CACNA1D: variants seen among roughly 807,000 people sequenced by gnomAD.
CACNA1D encodes the protein calcium voltage-gated channel subunit alpha1 D, also known as voltage-dependent L-type calcium channel subunit alpha-1D.
Under a neutral mutation model 257.1 loss-of-function variants are expected in CACNA1D, and 55 were observed. That is an observed-to-expected ratio of 0.21 (90% confidence interval 0.17 to 0.27). The LOEUF (loss-of-function observed/expected upper bound fraction) is 0.27, where lower values mean the gene tolerates loss of function less well. CACNA1D is among the 10% of genes least tolerant of loss of function. The pLI, the probability that CACNA1D is intolerant of heterozygous loss-of-function variation, is 1.00. For synonymous variants in CACNA1D, 980 were observed against 1,014.9 expected (o/e 0.97, Z 0.65); for missense variants, 1,876 against 2,784.0 (o/e 0.67, Z 7.34).
intron 40 of CACNA1D, chr3:53,797,871 A>G (rs1490603715): frequency 1.3e-5 from 2 of 152,238 alleles, no homozygotes; most frequent in African/African-American, 4.8e-5. Context: ...ACTGCCTTGT[A>G]ATATGGATTA....
chr3:53,753,578 G>A lies in CACNA1D; in HGVS notation c.3682G>A (p.Glu1228Lys), dbSNP rs777098313. 1.0e-5 allele frequency: 16 copies of A among 1,600,416 alleles called. No homozygotes were observed. The highest frequency in any genetic ancestry group is 2.7e-5 in the African/African-American group (2 of 74,644). The change falls in exon 29 of 48, where the codon GAG (glutamate) becomes AAG (lysine). Residue 1228 changes from glutamate (E) to lysine (K), a missense_variant. By Grantham distance (56) the Glu-to-Lys change is moderately conservative. Coordinates refer to ENST00000350061, the MANE Select transcript of CACNA1D (RefSeq NM_001128840.3). ...NTLCLAMQHY[E>K]QSKMFNDAMD... ...CCTCTGTCTTCATCCATAGCACTAC[G>A]AGCAGTCCAAGATGTTCAATGATGC... is the stretch of plus-strand genomic sequence containing the variant.
intron 3 of CACNA1D, among the ~76,000 whole-genome samples, chr3:53,528,503 A>G (rs1316010774): frequency 6.6e-6 from 1 of 152,168 alleles, no homozygotes; most frequent in Non-Finnish European, 1.5e-5. Context: ...ACAAGATTGT[A>G]TTGGCTATTC....
chr3:53,578,050 A>G (rs1204150033), intron 3 of CACNA1D, among the ~76,000 whole-genome samples: 1 of 152,196 alleles, frequency 6.6e-6, no homozygotes, highest in Non-Finnish European at 1.5e-5. Flanking sequence ...TGCTGCATAC[A>G]GAACACCCCA....
intron 4 of CACNA1D, among the ~76,000 whole-genome samples, chr3:53,657,283 G>A (rs190283408): frequency 1.9e-3 from 282 of 151,688 alleles, no homozygotes; most frequent in African/African-American, 6.2e-3. Flanking sequence ...GATGAGCCAG[G>A]AGAACATACT....
intron 3 of CACNA1D, among the ~76,000 whole-genome samples, chr3:53,555,456 G>GTTTTT (rs1334737354): frequency 8.5e-6 from 1 of 117,040 alleles, no homozygotes; most frequent in African/African-American, 3.5e-5. Flanking sequence ...GTGTGTGTGT[G>GTTTTT]TGTGTTTTTT....
intron 9 of CACNA1D, among the ~76,000 whole-genome samples, chr3:53,711,484 C>T (rs568326802): frequency 3.9e-4 from 59 of 152,288 alleles, no homozygotes; most frequent in Non-Finnish European, 6.3e-4. Flanking sequence ...GGCAGTGGTT[C>T]GACAGCAGCA....
chr3:53,536,721 T>G (rs2092124971), intron 3 of CACNA1D, among the ~76,000 whole-genome samples: 1 of 152,262 alleles, frequency 6.6e-6, no homozygotes, highest in Non-Finnish European at 1.5e-5. Flanking sequence ...AATTCACATT[T>G]CAGTTACCAT....
rs545983895 is a variant in CACNA1D, at chr3:53,514,246, C to T, written c.483+12526C>T. On this transcript the variant is annotated intron_variant, in intron 3 of 47. Transcript: ENST00000350061. Reference sequence around the variant, plus strand: ...CCCGGACTTCTGACTCAAGCGCCCACGCTCAAGTACTAGGCCATGAAAGGG... The same window carrying T: ...CCCGGACTTCTGACTCAAGCGCCCATGCTCAAGTACTAGGCCATGAAAGGG... Among the ~76,000 whole-genome samples the T allele has an allele frequency of 7.9e-5, 12 of 152,144 alleles. No homozygotes were observed. The South Asian group carries it at 1.2e-3, about 16-fold the overall frequency.
intron 45 of CACNA1D, 146 bp downstream of exon 45, chr3:53,805,292 G>A (rs2095556733): frequency 1.4e-6 from 1 of 731,778 alleles, no homozygotes; most frequent in South Asian, 1.6e-5. Flanking sequence ...CAGAGAGTGT[G>A]TCTGCTTTCC....
intron 15 of CACNA1D, among the ~76,000 whole-genome samples, chr3:53,727,732 C>T (rs572399531): frequency 5.9e-5 from 9 of 152,184 alleles, no homozygotes; most frequent in East Asian, 1.9e-4. Flanking sequence ...GATGCATGAA[C>T]GACGTACACA....
At chr3:53,500,330 C>A (rs569923621) in intron 2 of CACNA1D, among the ~76,000 whole-genome samples, 62 of 145,116 alleles carry the variant, frequency 4.3e-4, no homozygotes, top group South Asian at 2.0e-3. Flanking sequence ...ACCTGGGAGA[C>A]TGAGGTGGGA....
intron 3 of CACNA1D, among the ~76,000 whole-genome samples, chr3:53,550,576 G>A (rs958949315): frequency 6.6e-6 from 1 of 152,238 alleles, no homozygotes; most frequent in African/African-American, 2.4e-5. Context: ...CTCCGTGGGT[G>A]TGCAACATGG....
rs543618348 is a variant in CACNA1D at position 53,643,301 on chromosome 3, C to T, written c.484-7478C>T. On this transcript the variant is annotated intron_variant, in intron 3 of 47. Transcript: ENST00000350061. The stretch of plus-strand genomic sequence containing the variant: ...GACCTCTATTTACAGCCAAGCATCT[C>T]TGAGCCGACGCCTGCCTGCCCACCA... 5.3e-5 allele frequency among the ~76,000 whole-genome samples: 8 copies of T among 152,200 alleles called. No individual in the cohort carries two copies. The South Asian group carries it at 1.7e-3, about 32-fold the overall frequency.
At chr3:53,675,086 T>A (rs72967878) in intron 8 of CACNA1D, among the ~76,000 whole-genome samples, 1 of 152,152 alleles carries the variant, frequency 6.6e-6, no homozygotes, top group Non-Finnish European at 1.5e-5. Flanking sequence ...CTGGATTGAA[T>A]GTAGTCAGTT....
intron 3 of CACNA1D, among the ~76,000 whole-genome samples, chr3:53,541,549 C>T (rs553283947): frequency 2.6e-5 from 4 of 152,264 alleles, no homozygotes; most frequent in East Asian, 1.9e-4. Context: ...TGACAGCTAA[C>T]GTGAGGGCTC....
chr3:53,623,290 C>T (rs1056887489), intron 3 of CACNA1D, among the ~76,000 whole-genome samples: 5 of 152,222 alleles, frequency 3.3e-5, no homozygotes, highest in African/African-American at 9.6e-5. Context: ...TTAAAATACT[C>T]ATAACCAAAT....
chr3:53,713,889 C>G (rs13092344), intron 9 of CACNA1D, among the ~76,000 whole-genome samples: 32,625 of 151,996 alleles, frequency 0.21, 3,845 homozygotes, highest in African/African-American at 0.26. Context: ...CAGTGGCACC[C>G]AGGCCCCCCG....
At position 53,802,180 on chromosome 3, in the gene CACNA1D, G is replaced by A. The variant is rs989995833; in HGVS notation, c.5435+7G>A. The A allele has an allele frequency of 1.2e-5, 20 of 1,601,860 alleles. No homozygotes were observed. Among genetic ancestry groups the A allele is most frequent in the Non-Finnish European group, 1.7e-5 (20 of 1,168,818 alleles). Reference sequence around the variant, plus strand: ...ATTATGAAACTTACATTAGGTATGTGCTCATTACCTGTTTTTGTGTTAAAT... The same window carrying A: ...ATTATGAAACTTACATTAGGTATGTACTCATTACCTGTTTTTGTGTTAAAT... On this transcript the variant is annotated splice_region_variant and intron_variant, in intron 43 of 47. Transcript: ENST00000350061.
intron 3 of CACNA1D, among the ~76,000 whole-genome samples, chr3:53,574,126 GAAGCT>G (rs776310469): frequency 1.1e-4 from 16 of 152,208 alleles, no homozygotes; most frequent in Non-Finnish European, 1.3e-4. Flanking sequence ...ATGCAGCAAG[GAAGCT>G]CAGTGTTTCC....
Sources: gnomAD v4.1 joint callset for allele counts (sites outside exome capture counted in the v4.1 genomes callset) on GRCh38, gnomAD v4.1.1 for gene constraint, MANE v1.5 for transcripts, NCBI Gene and HGNC (gene_info 2026-07-23, HGNC 2026-07-21) for gene names.